CNTN5: variants seen among roughly 807,000 people sequenced by gnomAD.
The protein encoded by CNTN5 is contactin-5.
In CNTN5, 77 loss-of-function variants were observed where a neutral mutation model predicts 129.1. That is an observed-to-expected ratio of 0.60 (90% confidence interval 0.50 to 0.72). The LOEUF is 0.72. CNTN5 is among the 30% of genes least tolerant of loss of function. CNTN5 has a pLI of 0.00. For synonymous variants in CNTN5, 509 were observed against 465.6 expected (o/e 1.09, Z -1.20); for missense variants, 1,478 against 1,328.8 (o/e 1.11, Z -1.75).
intron 1 of CNTN5, among the ~76,000 whole-genome samples, chr11:99,283,245 A>G (rs968650406): frequency 2.0e-5 from 3 of 152,146 alleles, no homozygotes; most frequent in African/African-American, 7.2e-5. Flanking sequence ...CAATTATTGT[A>G]TCAATATATT....
chr11:99,181,377 CTGTT>C (rs1256896401), intron 1 of CNTN5, among the ~76,000 whole-genome samples: 2 of 152,182 alleles, frequency 1.3e-5, no homozygotes, highest in South Asian at 2.1e-4. Context: ...GCAAAATAGA[CTGTT>C]TGGTTAAAAG....
intron 1 of CNTN5, among the ~76,000 whole-genome samples, chr11:99,139,825 C>G (rs1040669340): frequency 3.3e-5 from 5 of 152,006 alleles, no homozygotes; most frequent in Non-Finnish European, 1.5e-5. Context: ...ACTTTCTGTC[C>G]TTTACAGTTT....
chr11:99,040,935 AGT>A (rs1863961985), intron 1 of CNTN5, among the ~76,000 whole-genome samples: 1 of 152,142 alleles, frequency 6.6e-6, no homozygotes, highest in African/African-American at 2.4e-5. Flanking sequence ...AAAACTGCAA[AGT>A]GTAATTAATG....
chr11:100,261,217 A>T (rs1950190121), intron 17 of CNTN5, among the ~76,000 whole-genome samples: 1 of 152,170 alleles, frequency 6.6e-6, no homozygotes, highest in African/African-American at 2.4e-5. Context: ...ACAGAATAAA[A>T]TACCTAGGAA....
chr11:99,108,390 C>T (rs1857621530), intron 1 of CNTN5, among the ~76,000 whole-genome samples: 1 of 151,988 alleles, frequency 6.6e-6, no homozygotes, highest in Non-Finnish European at 1.5e-5. Context: ...GCCATAGGAA[C>T]GTTGACAATA....
At chr11:100,311,388 G>A (rs916399574) in intron 21 of CNTN5, among the ~76,000 whole-genome samples, 19 of 150,986 alleles carry the variant, frequency 1.3e-4, no homozygotes, top group African/African-American at 3.9e-4. Context: ...ATTCTGTTTC[G>A]GGTGTTTTAA....
At chr11:100,122,330 G>T (rs1283956219) in intron 13 of CNTN5, among the ~76,000 whole-genome samples, 2 of 151,996 alleles carry the variant, frequency 1.3e-5, no homozygotes, top group Non-Finnish European at 2.9e-5. Context: ...TTGAGAGAGA[G>T]AGGCCAATTC....
intron 7 of CNTN5, among the ~76,000 whole-genome samples, chr11:99,933,555 T>C (rs964302237): frequency 6.6e-6 from 1 of 152,222 alleles, no homozygotes; most frequent in African/African-American, 2.4e-5. Flanking sequence ...TCTGTCCCTA[T>C]ATTTTGTTTT....
At chr11:100,163,882 G>A (rs1947536987) in intron 13 of CNTN5, among the ~76,000 whole-genome samples, 1 of 151,702 alleles carries the variant, frequency 6.6e-6, no homozygotes. Flanking sequence ...GACTTCATAT[G>A]TTTTATATCA....
chr11:99,887,760 A>G (rs1350871370), intron 6 of CNTN5, among the ~76,000 whole-genome samples: 1 of 152,252 alleles, frequency 6.6e-6, no homozygotes, highest in Non-Finnish European at 1.5e-5. Context: ...GGAAGCGTCC[A>G]GCACAGGAGA....
intron 1 of CNTN5, among the ~76,000 whole-genome samples, chr11:99,103,765 A>C (rs906165456): frequency 2.6e-5 from 2 of 78,430 alleles, no homozygotes; most frequent in Non-Finnish European, 6.5e-5. Flanking sequence ...GGTGTCCTTC[A>C]AAAAAAAAAA....
chr11:99,311,610 C>T (rs1865119737), intron 1 of CNTN5, among the ~76,000 whole-genome samples: 2 of 152,160 alleles, frequency 1.3e-5, no homozygotes, highest in African/African-American at 4.8e-5. Context: ...AATGCTCTTA[C>T]TTTGACCTTT....
intron 1 of CNTN5, among the ~76,000 whole-genome samples, chr11:99,026,435 T>C (rs996881007): frequency 1.3e-5 from 2 of 151,590 alleles, no homozygotes; most frequent in Admixed American, 1.3e-4. Context: ...AGTTATGGCA[T>C]TGATAAGAGA....
intron 7 of CNTN5, among the ~76,000 whole-genome samples, chr11:99,940,107 A>C (rs1016051711): frequency 2.6e-5 from 4 of 152,096 alleles, no homozygotes; most frequent in Non-Finnish European, 5.9e-5. Flanking sequence ...GGATGCTATC[A>C]GCATCTAGTG....
intron 3 of CNTN5, among the ~76,000 whole-genome samples, chr11:99,663,462 C>T (rs908359764): frequency 5.9e-5 from 9 of 152,014 alleles, no homozygotes; most frequent in East Asian, 3.9e-4. Context: ...AGCGAGACTC[C>T]GTCTCAAAAA....
intron 9 of CNTN5, among the ~76,000 whole-genome samples, chr11:100,054,117 T>C (rs1047633531): frequency 1.3e-5 from 2 of 151,694 alleles, no homozygotes; most frequent in African/African-American, 2.4e-5. Context: ...ATGTTCTATA[T>C]CCTAATTTTC....
intron 9 of CNTN5, among the ~76,000 whole-genome samples, chr11:100,013,474 C>T (rs1721581292): frequency 6.6e-6 from 1 of 152,104 alleles, no homozygotes; most frequent in Non-Finnish European, 1.5e-5. Context: ...ACAATTTTAA[C>T]CAAAAAGTTG....
At chr11:99,543,921 AAAAAC>A (rs1431846889) in intron 2 of CNTN5, among the ~76,000 whole-genome samples, 3,147 of 17,200 alleles carry the variant, frequency 0.18, 112 homozygotes, top group South Asian at 0.35. Context: ...TCTGTCTCAA[AAAAAC>A]AAAAAAAAAA....
chr11:99,710,160 G>A lies in CNTN5; in HGVS notation c.56-109384G>A, dbSNP rs79965395. ...GCCACAAGCACTTCCCAGTCGATAC[G>A]GTTCCATGTATCAGGCACCTTCTAT... On this transcript the variant is annotated intron_variant, in intron 3 of 24. Coordinates refer to ENST00000524871, the MANE Select transcript of CNTN5 (RefSeq NM_014361.4). Among the ~76,000 whole-genome samples, 944 of 151,826 alleles carry A rather than the reference G, an allele frequency of 6.2e-3. 2 individuals are homozygous for A. Among genetic ancestry groups the A allele is most frequent in the Non-Finnish European group, 0.01 (689 of 67,852 alleles).
Sources: allele counts gnomAD v4.1 joint callset (sites outside exome capture counted in the v4.1 genomes callset), GRCh38; gene constraint gnomAD v4.1.1; transcripts MANE v1.5; gene names NCBI Gene and HGNC (gene_info 2026-07-23, HGNC 2026-07-21).